The following SGCZ variants were observed in gnomAD, a reference collection of about 807,000 sequenced individuals.
SGCZ encodes zeta-sarcoglycan.
SGCZ carries 40 observed loss-of-function variants against 41.3 expected under a neutral mutation model. The ratio of observed to expected loss-of-function variants is 0.97; its 90% CI spans 0.75 to 1.26. SGCZ has a LOEUF of 1.26. SGCZ is among the 50% of genes most tolerant of loss of function. The pLI, the probability that SGCZ is intolerant of heterozygous loss-of-function variation, is 0.00. For missense variants in SGCZ, 552 were observed against 369.8 expected, an observed-to-expected ratio of 1.49 and a Z score of -4.04; for synonymous variants, 206 against 137.5, an observed-to-expected ratio of 1.50 and a Z score of -3.49.
chr8:14,147,155 A>G (rs2116940860), intron 5 of SGCZ, among the ~76,000 whole-genome samples: 1 of 152,216 alleles, frequency 6.6e-6, no homozygotes, highest in South Asian at 2.1e-4. Context: ...AAGTCATATC[A>G]CTGGAGAAAA....
intron 3 of SGCZ, among the ~76,000 whole-genome samples, chr8:14,279,840 T>TA (rs1800361329): frequency 1.3e-5 from 2 of 151,342 alleles, no homozygotes; most frequent in Non-Finnish European, 3.0e-5. Flanking sequence ...CATGCTCCAT[T>TA]TTTTTTTTCT....
chr8:15,112,632 T>C (rs940201402), intron 1 of SGCZ, among the ~76,000 whole-genome samples: 1 of 152,156 alleles, frequency 6.6e-6, no homozygotes, highest in African/African-American at 2.4e-5. Flanking sequence ...TTGTGATGCT[T>C]GTTATTGAAA....
At chr8:14,466,952 C>A (rs767556022) in intron 2 of SGCZ, among the ~76,000 whole-genome samples, 61 of 151,786 alleles carry the variant, frequency 4.0e-4, no homozygotes, top group Admixed American at 7.9e-4. Flanking sequence ...AGATTGTTTT[C>A]AAGAACAGTT....
intron 2 of SGCZ, among the ~76,000 whole-genome samples, chr8:14,474,073 A>C (rs1348366100): frequency 1.3e-5 from 2 of 152,112 alleles, no homozygotes; most frequent in Non-Finnish European, 2.9e-5. Flanking sequence ...GGAAAGAAGA[A>C]GTCTCTTGTC....
chr8:14,896,437 T>TTTTATTTATTTA (rs376530633), intron 1 of SGCZ, among the ~76,000 whole-genome samples: 8,604 of 151,374 alleles, frequency 0.057, 609 homozygotes, highest in African/African-American at 0.17. Flanking sequence ...GATGGAAGAC[T>TTTTATTTATTTA]TTTATTTATT....
At chr8:14,953,768 G>A (rs1035919819) in intron 1 of SGCZ, among the ~76,000 whole-genome samples, 4 of 152,122 alleles carry the variant, frequency 2.6e-5, no homozygotes, top group Non-Finnish European at 5.9e-5. Context: ...AATTAATTCA[G>A]GATAAGTGTT....
At chr8:14,164,735 T>G (rs762048642) in intron 4 of SGCZ, 33 bp from the exon 5 acceptor site, 1 of 1,608,442 alleles carries the variant, frequency 6.2e-7, no homozygotes. Context: ...AAAATGAAAC[T>G]GGTATGCAGG....
chr8:15,196,338 T>C (rs1046406529), intron 1 of SGCZ, among the ~76,000 whole-genome samples: 143 of 152,280 alleles, frequency 9.4e-4, no homozygotes, highest in African/African-American at 3.3e-3. Flanking sequence ...TCTCCTGTTG[T>C]CTCCATTTAA....
chr8:14,207,306 A>T (rs1439933111), intron 4 of SGCZ, among the ~76,000 whole-genome samples: 1 of 152,230 alleles, frequency 6.6e-6, no homozygotes, highest in Non-Finnish European at 1.5e-5. Context: ...AACTGATAAG[A>T]TAAATTAGAA....
At chr8:14,955,742 C>T (rs1800771368) in intron 1 of SGCZ, among the ~76,000 whole-genome samples, 1 of 151,822 alleles carries the variant, frequency 6.6e-6, no homozygotes, top group Non-Finnish European at 1.5e-5. Context: ...CAGAAGTTTT[C>T]TAAATATTTT....
At chr8:14,092,656 G>A (rs1801723802) in intron 7 of SGCZ, among the ~76,000 whole-genome samples, 1 of 151,866 alleles carries the variant, frequency 6.6e-6, no homozygotes, top group Non-Finnish European at 1.5e-5. Flanking sequence ...GTTTTATAAG[G>A]GGGAAACCCC....
chr8:14,439,678 C>T (rs991140426), intron 2 of SGCZ, among the ~76,000 whole-genome samples: 6 of 151,870 alleles, frequency 4.0e-5, no homozygotes, highest in South Asian at 2.1e-4. Flanking sequence ...AGAAAAATTA[C>T]ATTATCATAT....
Position 14,995,181 on chromosome 8 carries a change from T to C in SGCZ, c.39+242404A>G, listed in dbSNP as rs113659108. On this transcript the variant is annotated intron_variant, in intron 1 of 7. Coordinates refer to ENST00000382080, the MANE Select transcript of SGCZ (RefSeq NM_139167.4). ...TTGGACAGGGAGACACTGAAGTATA[T>C]TTATCAGGAGATGATTTGGTTTTAT... 2.8e-3 allele frequency among the ~76,000 whole-genome samples: 427 copies of C among 152,360 alleles called. 2 individuals are homozygous for C. The highest frequency in any genetic ancestry group is 9.6e-3 in the African/African-American group (398 of 41,590).
chr8:14,962,743 G>A (rs955374514), intron 1 of SGCZ, among the ~76,000 whole-genome samples: 1 of 152,174 alleles, frequency 6.6e-6, no homozygotes, highest in Non-Finnish European at 1.5e-5. Flanking sequence ...GCTTAAACAT[G>A]ATAAGGATCA....
At chr8:14,926,424 T>G (rs1799751374) in intron 1 of SGCZ, among the ~76,000 whole-genome samples, 1 of 152,288 alleles carries the variant, frequency 6.6e-6, no homozygotes, top group East Asian at 1.9e-4. Context: ...GCTAAATTTT[T>G]TTGGATCTAG....
intron 1 of SGCZ, among the ~76,000 whole-genome samples, chr8:15,184,190 T>C (rs1800263371): frequency 6.6e-6 from 1 of 152,224 alleles, no homozygotes; most frequent in African/African-American, 2.4e-5. Context: ...AATTATAAAT[T>C]CTTCATCATA....
intron 1 of SGCZ, among the ~76,000 whole-genome samples, chr8:14,650,071 T>G (rs954356863): frequency 6.6e-6 from 1 of 152,164 alleles, no homozygotes; most frequent in African/African-American, 2.4e-5. Context: ...AAAGGTACAA[T>G]AATTCTCAGG....
In SGCZ at chr8:14,312,058, G is replaced by A. The variant is rs116936010; in HGVS notation, c.336+12045C>T. ...AGTTATTTTAGTAGCTATTAGTGGGGACAATGTTTTTTTGAAGCTGTTGAT... is the reference window on the plus strand; with the variant it reads ...AGTTATTTTAGTAGCTATTAGTGGGAACAATGTTTTTTTGAAGCTGTTGAT... On this transcript the variant is annotated intron_variant, in intron 3 of 7. Coordinates refer to ENST00000382080, the MANE Select transcript of SGCZ (RefSeq NM_139167.4). Among the ~76,000 whole-genome samples the A allele has an allele frequency of 2.7e-3, 403 of 152,068 alleles. 3 individuals are homozygous for A. Among genetic ancestry groups the A allele is most frequent in the Non-Finnish European group, 3.9e-3 (268 of 68,016 alleles).
chr8:14,773,466 C>T (rs779129766), intron 1 of SGCZ, among the ~76,000 whole-genome samples: 8 of 152,136 alleles, frequency 5.3e-5, no homozygotes, highest in Non-Finnish European at 1.2e-4. Context: ...CATTACGTAT[C>T]CAGATGGGGA....
Sources: gnomAD v4.1 joint callset for allele counts (sites outside exome capture counted in the v4.1 genomes callset) on GRCh38, gnomAD v4.1.1 for gene constraint, MANE v1.5 for transcripts, NCBI Gene and HGNC (gene_info 2026-07-23, HGNC 2026-07-21) for gene names.